Variants in CPT1C observed in about 807,000 individuals in gnomAD.
The protein encoded by CPT1C is palmitoyl thioesterase CPT1C.
Under a neutral mutation model 97.3 loss-of-function variants are expected in CPT1C, and 61 were observed. The ratio of observed to expected loss-of-function variants is 0.63; its 90% confidence interval spans 0.51 to 0.78. The LOEUF is 0.78. Ranked by LOEUF, CPT1C falls within the 30% of genes least tolerant of loss-of-function variation. CPT1C has a pLI of 0.00. For synonymous variants in CPT1C, 469 were observed against 447.2 expected, an observed-to-expected ratio of 1.05 and a Z score of -0.61; for missense variants, 975 against 1,065.5, an observed-to-expected ratio of 0.92 and a Z score of 1.18.
At chr19:49,704,908 C>A in intron 8 of CPT1C, 99 bp from the exon 9 acceptor site, 1 of 1,397,592 alleles carries the variant, frequency 7.2e-7, no homozygotes, top group South Asian at 1.2e-5. Context: ...ATTCATCATT[C>A]CACCCTCTTT....
At position 49,692,484 on chromosome 19, in the gene CPT1C, C is replaced by T. The variant is rs77633761; in HGVS notation, c.141+91C>T. 13,019 of 1,485,824 alleles carry T rather than the reference C, an allele frequency of 8.8e-3. 949 individuals are homozygous for T. The African/African-American group carries it at 0.16, about 18-fold the overall frequency. 92.0% of individuals were successfully genotyped at this position (1,485,824 alleles called of 1,614,324 possible). A position where few individuals can be genotyped will look rare whatever the true frequency, so the allele number is the denominator to read the frequency against. ...CTCACTTCCGGCATTTCAGCTGGTT[C>T]ATTTCTGGGAGACTATCACCCCTTT... On this transcript the variant is annotated intron_variant, in intron 3 of 19. Transcript: ENST00000598293.
chr19:49,701,661 C>A, intron 7 of CPT1C, 27 bp downstream of exon 7: 1 of 1,578,898 alleles, frequency 6.3e-7, no homozygotes, highest in Non-Finnish European at 8.6e-7. Flanking sequence ...CCACCAACGC[C>A]CCACCTGAAG....
intron 3 of CPT1C, chr19:49,696,630 TTC>T: frequency 7.6e-6 from 1 of 131,406 alleles, no homozygotes. Context: ...TAATTTTTTT[TTC>T]TTTCTTTTTT....
rs564460796 is a variant in CPT1C at position 49,692,877 on chromosome 19, C to T, written c.141+484C>T. Among the ~76,000 whole-genome samples, 3 of 152,154 alleles carry T rather than the reference C, an allele frequency of 2.0e-5. 1 individual carries two copies. Among genetic ancestry groups the T allele is most frequent in the African/African-American group, 7.2e-5 (3 of 41,508 alleles). ...GGTAGCCGGGATTATTGGCGCACGCCACCATGCCTGGCTTATTTATTTATT... is the reference window on the plus strand; with the variant it reads ...GGTAGCCGGGATTATTGGCGCACGCTACCATGCCTGGCTTATTTATTTATT... On this transcript the variant is annotated intron_variant, in intron 3 of 19. Transcript: ENST00000598293.
Position 49,713,638 on chromosome 19 carries a change from A to G in CPT1C, c.*33A>G, listed in dbSNP as rs529240269. 28 of 1,574,208 alleles carry G rather than the reference A, an allele frequency of 1.8e-5. 2 individuals carry two copies. In the South Asian group the frequency reaches 3.3e-4, roughly 19 times the overall value. Reference sequence around the variant, plus strand: ...CAGCAGGCAGCTGGCCTCTCCAAGGAATAAGGGTGAAATTGCCACAGCTGG... The same window carrying G: ...CAGCAGGCAGCTGGCCTCTCCAAGGGATAAGGGTGAAATTGCCACAGCTGG... On this transcript the variant is annotated 3_prime_UTR_variant, in exon 20 of 20. Transcript: ENST00000598293.
chr19:49,700,371 C>T (rs1258374329), intron 4 of CPT1C, among the ~76,000 whole-genome samples: 1 of 152,152 alleles, frequency 6.6e-6, no homozygotes, highest in Non-Finnish European at 1.5e-5. Flanking sequence ...GCAGTGCTCC[C>T]AGGAGCCACA....
chr19:49,712,923 G>T (rs1295563848), intron 18 of CPT1C, 49 bp from the exon 19 acceptor site: 2 of 1,594,530 alleles, frequency 1.3e-6, no homozygotes, highest in East Asian at 2.2e-5. Context: ...CATAGTGGGG[G>T]TGGAGGGGAC....
In CPT1C at chr19:49,707,567, G is replaced by A. The variant is rs138503194; in HGVS notation, c.1393G>A (p.Gly465Ser). 2.5e-6 allele frequency: 4 copies of A among 1,613,880 alleles called. No homozygotes were observed. Among genetic ancestry groups the A allele is most frequent in the Non-Finnish European group, 3.4e-6 (4 of 1,179,896 alleles). Reference protein sequence around the residue: ...TLIVFSNGKLGLSVEHSWADC... With the variant: ...TLIVFSNGKLSLSVEHSWADC... ...AATCGTCTTCTCTAACGGGAAGCTG[G>A]GCCTCAGCGTGGAGCACTCCTGGGC... Residue 465 changes from glycine (G) to serine (S), a missense_variant, in exon 13 of 20, where the codon GGC (glycine) becomes AGC (serine). By Grantham distance (56) the Gly-to-Ser change is moderately conservative. Around this residue, in one of 3 missense-constraint regions of CPT1C, gnomAD observed 35 missense variants for 66.6 expected, o/e 0.53. Transcript: ENST00000598293.
intron 3 of CPT1C, among the ~76,000 whole-genome samples, chr19:49,697,023 A>G (rs1176864870): frequency 6.6e-6 from 1 of 152,114 alleles, no homozygotes; most frequent in Non-Finnish European, 1.5e-5. Context: ...TCTGCCTTTG[A>G]CAGCCTCCCC....
chr19:49,708,813 C>G lies in CPT1C; in HGVS notation c.1540C>G (p.Arg514Gly). The G allele has an allele frequency of 6.2e-7, 1 of 1,613,192 alleles. No homozygotes were observed. The highest frequency in any genetic ancestry group is 8.5e-7 in the Non-Finnish European group (1 of 1,179,370). The change falls in exon 14 of 20, where the codon CGG becomes GGG. Residue 514 changes from arginine to glycine, a missense_variant. Around this residue, in one of 3 missense-constraint regions of CPT1C, gnomAD observed 344 missense variants for 395.7 expected, o/e 0.87. Transcript: ENST00000598293. Reference sequence around the variant, plus strand: ...GGACCCCACACTACCCCAGCCCCAGCGGCTGCAATGGGACCTTCCAGACCA... The same window carrying G: ...GGACCCCACACTACCCCAGCCCCAGGGGCTGCAATGGGACCTTCCAGACCA... ...HPDPTLPQPQ[R>G]LQWDLPDQIH...
rs2082401203 is a variant in CPT1C, at chr19:49,692,326, C to T, written c.74C>T (p.Ala25Val). The change falls in exon 3 of 20, where the codon GCC becomes GTC. Residue 25 changes from alanine (A) to valine (V), a missense_variant. Ala to Val is a moderately conservative substitution (Grantham distance 64). This residue lies in a region of CPT1C where 596 missense variants were observed against 603.1 expected (regional missense o/e 0.99). Transcript: ENST00000598293. ...TSDGAEVELS[A>V]PVLQEIYLSG... is the part of the protein sequence containing the mutation. ...GACGGGGCTGAAGTGGAACTCAGTGCCCCTGTGCTGCAGGAGATCTACCTC... is the reference window on the plus strand; with the variant it reads ...GACGGGGCTGAAGTGGAACTCAGTGTCCCTGTGCTGCAGGAGATCTACCTC... 1 of 1,613,964 alleles carries T rather than the reference C, an allele frequency of 6.2e-7. No homozygotes were observed.
At chr19:49,697,605 T>C in intron 4 of CPT1C, 140 bp downstream of exon 4, 1 of 1,069,626 alleles carries the variant, frequency 9.3e-7, no homozygotes, top group Non-Finnish European at 1.3e-6. Context: ...AGGCATGGCA[T>C]GAAGAAAAAG....
At chr19:49,710,205 C>A in intron 14 of CPT1C, 115 bp from the exon 15 acceptor site, 1 of 999,148 alleles carries the variant, frequency 1.0e-6, no homozygotes. Context: ...TCCCCATTTC[C>A]ATATTCTGCC....
At position 49,706,100 on chromosome 19, in the gene CPT1C, C is replaced by T; in HGVS notation, c.1156C>T (p.Pro386Ser). 6.2e-7 allele frequency: 1 copy of T among 1,612,808 alleles called. No individual in the cohort carries two copies. The highest frequency in any genetic ancestry group is 8.5e-7 in the Non-Finnish European group (1 of 1,179,274). The stretch of plus-strand genomic sequence containing the variant: ...ACATCTGGCAGCTCTGACAGCTGCT[C>T]CCAGGTAAGGGTCAGGGGTCAGGGG... ...EEHLAALTAA[P>S]RGTWAQVRTS... is the part of the protein sequence containing the mutation. The change falls in exon 11 of 20, where the codon CCC (proline) becomes TCC (serine). Residue 386 changes from proline (P) to serine (S), a missense_variant. Pro to Ser is a moderately conservative substitution (Grantham distance 74, BLOSUM62 -1). Coordinates refer to ENST00000598293, the MANE Select transcript of CPT1C (RefSeq NM_001199753.2). The surrounding 1 kb of genome is among the most constrained non-coding windows in gnomAD (Gnocchi z 4.8).
chr19:49,693,225 A>G (rs1046023058), intron 3 of CPT1C, among the ~76,000 whole-genome samples: 13 of 152,196 alleles, frequency 8.5e-5, no homozygotes, highest in African/African-American at 3.1e-4. Context: ...CCCAATGTGT[A>G]ACCAGCACCC....
intron 4 of CPT1C, chr19:49,697,741 G>A: frequency 3.3e-6 from 1 of 299,938 alleles, no homozygotes; most frequent in Non-Finnish European, 6.2e-6. Context: ...GTGAAACCTT[G>A]TCTCTACTAA....
chr19:49,701,213 C>G, intron 5 of CPT1C, 104 bp from the exon 6 acceptor site: 1 of 904,912 alleles, frequency 1.1e-6, no homozygotes, highest in Non-Finnish European at 1.7e-6. Flanking sequence ...GCTCTTAAGT[C>G]TCTGTGTCCT....
At chr19:49,699,457 T>TCAAA (rs2082868406) in intron 4 of CPT1C, among the ~76,000 whole-genome samples, 1 of 35,252 alleles carries the variant, frequency 2.8e-5, no homozygotes. Flanking sequence ...CCCCTGTCTC[T>TCAAA]AAAAAAAAAA....
At chr19:49,707,982 G>A (rs1446662437) in intron 13 of CPT1C, among the ~76,000 whole-genome samples, 3 of 119,048 alleles carry the variant, frequency 2.5e-5, no homozygotes, top group African/African-American at 3.2e-5. Flanking sequence ...CAGCCTGGGC[G>A]ACAGAGCAAG....
Sources: allele counts gnomAD v4.1 joint callset (sites outside exome capture counted in the v4.1 genomes callset), GRCh38; gene constraint gnomAD v4.1.1; regional missense constraint gnomAD v4.1.1; non-coding constraint Gnocchi (gnomAD v3.1); transcripts MANE v1.5; gene names NCBI Gene and HGNC (gene_info 2026-07-23, HGNC 2026-07-21).